Variants in PPARGC1A observed in about 807,000 individuals in gnomAD.
The protein encoded by PPARGC1A is PPARG coactivator 1 alpha.
In PPARGC1A, 25 loss-of-function variants were observed where a neutral mutation model predicts 88.7. The ratio of observed to expected loss-of-function variants is 0.28; its 90% CI spans 0.21 to 0.39. PPARGC1A has a LOEUF of 0.39. Among genes scored for constraint, PPARGC1A ranks in the 10% least tolerant of loss-of-function variants. PPARGC1A has a pLI of 1.00. For synonymous variants in PPARGC1A, 363 were observed against 355.6 expected, an observed-to-expected ratio of 1.02 and a Z score of -0.24; for missense variants, 880 against 968.7, an observed-to-expected ratio of 0.91 and a Z score of 1.22.
upstream of PPARGC1A, chr4:23,890,354 A>G (rs1717651922): frequency 5.8e-6 from 1 of 173,656 alleles, no homozygotes. Flanking sequence ...TGGCCATATA[A>G]TAACCAAAAT....
chr4:24,036,646 G>A, the PPARGC1A span, among the ~76,000 whole-genome samples: 1 of 151,934 alleles, frequency 6.6e-6, no homozygotes, highest in South Asian at 2.1e-4. Flanking sequence ...AAACAAAAGA[G>A]TAATGATTCC....
chr4:24,269,201 A>G, the PPARGC1A span, among the ~76,000 whole-genome samples: 1 of 152,312 alleles, frequency 6.6e-6, no homozygotes, highest in African/African-American at 2.4e-5. Context: ...AGTCATTGAA[A>G]TATCAATATT....
chr4:24,454,861 G>A, the PPARGC1A span, among the ~76,000 whole-genome samples: 1 of 151,852 alleles, frequency 6.6e-6, no homozygotes, highest in Non-Finnish European at 1.5e-5. Context: ...AAATCTGAAA[G>A]ATAGTCATGT....
chr4:23,877,424 G>T (rs1448704957), intron 2 of PPARGC1A, among the ~76,000 whole-genome samples: 2 of 143,854 alleles, frequency 1.4e-5, no homozygotes, highest in Non-Finnish European at 3.0e-5. Flanking sequence ...TGTAGTCCCA[G>T]CTACTAGGGA....
the PPARGC1A span, among the ~76,000 whole-genome samples, chr4:24,114,079 G>A: frequency 4.2e-5 from 6 of 143,534 alleles, no homozygotes; most frequent in African/African-American, 1.0e-4. Context: ...AGCCGAGATC[G>A]TGCCACTGCA....
chr4:24,111,757 A>T, the PPARGC1A span, among the ~76,000 whole-genome samples: 417 of 152,322 alleles, frequency 2.7e-3, 5 homozygotes, highest in East Asian at 0.051. Flanking sequence ...CCACTTAGGA[A>T]TGTTTAATGA....
the PPARGC1A span, among the ~76,000 whole-genome samples, chr4:24,208,500 T>C: frequency 6.6e-6 from 1 of 151,994 alleles, no homozygotes; most frequent in African/African-American, 2.4e-5. Context: ...AAACAGACAG[T>C]GATCTCACAG....
chr4:24,119,017 A>T, the PPARGC1A span, among the ~76,000 whole-genome samples: 1 of 152,340 alleles, frequency 6.6e-6, no homozygotes, highest in Non-Finnish European at 1.5e-5. Flanking sequence ...TGACCTATCA[A>T]ACGCATCACC....
chr4:23,998,567 C>G, the PPARGC1A span, among the ~76,000 whole-genome samples: 4 of 152,104 alleles, frequency 2.6e-5, no homozygotes, highest in African/African-American at 9.7e-5. Context: ...CACATGATAA[C>G]AGGAAACCTA....
At chr4:24,196,863 T>C in the PPARGC1A span, among the ~76,000 whole-genome samples, 16 of 152,364 alleles carry the variant, frequency 1.1e-4, no homozygotes, top group East Asian at 3.9e-4. Flanking sequence ...TACAACATGA[T>C]AGTTGTTGAA....
At chr4:23,982,865 T>C in the PPARGC1A span, among the ~76,000 whole-genome samples, 1 of 152,114 alleles carries the variant, frequency 6.6e-6, no homozygotes, top group African/African-American at 2.4e-5. Context: ...TATTTTATTA[T>C]TATTATTATC....
the PPARGC1A span, among the ~76,000 whole-genome samples, chr4:24,044,626 G>A: frequency 3.9e-5 from 6 of 152,228 alleles, no homozygotes; most frequent in Middle Eastern, 3.4e-3. Context: ...ACTGCTCTGC[G>A]ATATTTCAGA....
At chr4:24,157,482 A>G in the PPARGC1A span, among the ~76,000 whole-genome samples, 1 of 152,050 alleles carries the variant, frequency 6.6e-6, no homozygotes, top group African/African-American at 2.4e-5. Context: ...AATATCCTAC[A>G]TGTATATCTC....
chr4:23,933,352 A>G, the PPARGC1A span, among the ~76,000 whole-genome samples: 1 of 152,238 alleles, frequency 6.6e-6, no homozygotes, highest in African/African-American at 2.4e-5. Flanking sequence ...AAGTAAGCAA[A>G]TATATCTGAT....
At chr4:24,176,786 GAAA>G in the PPARGC1A span, among the ~76,000 whole-genome samples, 395 of 152,242 alleles carry the variant, frequency 2.6e-3, 1 homozygote, top group Non-Finnish European at 4.1e-3. Context: ...AGCCTAAAGA[GAAA>G]GGTCGAAAAG....
the PPARGC1A span, among the ~76,000 whole-genome samples, chr4:24,059,613 C>G: frequency 6.6e-6 from 1 of 152,202 alleles, no homozygotes; most frequent in Non-Finnish European, 1.5e-5. Context: ...CAGCCCGCAT[C>G]TGAGCACAGC....
At chr4:24,289,987 A>G in the PPARGC1A span, among the ~76,000 whole-genome samples, 1 of 152,154 alleles carries the variant, frequency 6.6e-6, no homozygotes, top group South Asian at 2.1e-4. Context: ...CACATCTTAC[A>G]TGGTAGCAGG....
chr4:24,230,165 C>G, the PPARGC1A span, among the ~76,000 whole-genome samples: 20 of 152,160 alleles, frequency 1.3e-4, no homozygotes, highest in Admixed American at 8.5e-4. Flanking sequence ...CTTAGCAACT[C>G]GCTCCAATTT....
intron 3 of PPARGC1A, among the ~76,000 whole-genome samples, chr4:23,830,805 T>C (rs1724859908): frequency 6.6e-6 from 1 of 152,272 alleles, no homozygotes; most frequent in South Asian, 2.1e-4. Context: ...AAAACTCTGG[T>C]CAAGCACTGC....
Sources: gnomAD v4.1 joint callset for allele counts (sites outside exome capture counted in the v4.1 genomes callset) on GRCh38, gnomAD v4.1.1 for gene constraint, MANE v1.5 for transcripts, NCBI Gene and HGNC (gene_info 2026-07-23, HGNC 2026-07-21) for gene names.